ASXL3: variants seen among roughly 807,000 people sequenced by gnomAD.
ASXL3 encodes the protein ASXL transcriptional regulator 3, also known as putative Polycomb group protein ASXL3.
Under a neutral mutation model 170.6 loss-of-function variants are expected in ASXL3, and 34 were observed. That is an observed-to-expected ratio of 0.20 (90% CI 0.15 to 0.27). ASXL3 has a LOEUF of 0.27. ASXL3 is among the 10% of genes least tolerant of loss of function. The pLI is 1.00. For missense variants in ASXL3, 2,592 were observed against 2,695.3 expected (o/e 0.96, Z 0.85); for synonymous variants, 1,002 against 989.1 (o/e 1.01, Z -0.24).
Position 33,743,676 on chromosome 18 carries a change from T to C in ASXL3, c.3828T>C (p.Ala1276=). The part of the protein sequence containing the change: ...SVDSANTTIS[A]CNISMLKTIQ... ...ACAGTGCAAACACTACAATTTCTGC[T>C]TGTAATATAAGCATGTTAAAAACCA... is the stretch of plus-strand genomic sequence containing the variant. Residue 1276 remains alanine, a synonymous_variant, in exon 12 of 12, where the codon GCT becomes GCC. Coordinates refer to ENST00000269197, the MANE Select transcript of ASXL3 (RefSeq NM_030632.3). The C allele has an allele frequency of 6.2e-7, 1 of 1,613,922 alleles. No individual in the cohort carries two copies. Among genetic ancestry groups the C allele is most frequent in the Non-Finnish European group, 8.5e-7 (1 of 1,179,894 alleles).
In ASXL3 at chr18:33,646,475, C is replaced by T. The variant is rs2065916336; in HGVS notation, c.355+122C>T. The T allele has an allele frequency of 6.3e-6, 4 of 637,796 alleles. No individual in the cohort carries two copies. The Admixed American group carries it at 1.4e-4, about 22-fold the overall frequency. 39.5% of individuals were successfully genotyped at this position (637,796 alleles called of 1,614,324 possible). On this transcript the variant is annotated intron_variant, in intron 4 of 11. Coordinates refer to ENST00000269197, the MANE Select transcript of ASXL3 (RefSeq NM_030632.3). ...ACAGTTTTCTTCTAAATTTTTACCGCTGAGATTTATCATCAAGGTGTTTTG... is the reference window on the plus strand; with the variant it reads ...ACAGTTTTCTTCTAAATTTTTACCGTTGAGATTTATCATCAAGGTGTTTTG...
intron 2 of ASXL3, among the ~76,000 whole-genome samples, chr18:33,612,514 C>A (rs1477491284): frequency 6.6e-6 from 1 of 151,958 alleles, no homozygotes; most frequent in Middle Eastern, 3.2e-3. Flanking sequence ...ATTCTTTATT[C>A]CACTGATAAC....
intron 8 of ASXL3, among the ~76,000 whole-genome samples, chr18:33,703,465 G>C (rs1159194238): frequency 6.6e-6 from 1 of 152,156 alleles, no homozygotes; most frequent in Non-Finnish European, 1.5e-5. Context: ...CACTCATGCG[G>C]TGGAGCCACC....
intron 6 of ASXL3, 67 bp from the exon 7 acceptor site, chr18:33,671,680 A>G: frequency 2.8e-6 from 4 of 1,411,598 alleles, no homozygotes; most frequent in South Asian, 2.8e-5. Context: ...TCCTCAAACA[A>G]TTTTAGATTT....
At chr18:33,687,156 G>A (rs1024878015) in intron 8 of ASXL3, among the ~76,000 whole-genome samples, 1 of 152,150 alleles carries the variant, frequency 6.6e-6, no homozygotes, top group African/African-American at 2.4e-5. Context: ...AGCTTTGTGG[G>A]CCTGTCAGCA....
At chr18:33,588,493 C>T (rs1190261223) in intron 1 of ASXL3, among the ~76,000 whole-genome samples, 1 of 151,938 alleles carries the variant, frequency 6.6e-6, no homozygotes, top group African/African-American at 2.4e-5. Flanking sequence ...CAAGAATAGC[C>T]TAGTTGGAAT....
intron 7 of ASXL3, among the ~76,000 whole-genome samples, chr18:33,675,390 T>C (rs887355183): frequency 6.6e-6 from 1 of 151,984 alleles, no homozygotes; most frequent in Admixed American, 6.5e-5. Context: ...CTAATTCATA[T>C]GGTCTTGGAA....
At position 33,742,901 on chromosome 18, in the gene ASXL3, A is replaced by G; in HGVS notation, c.3053A>G (p.Lys1018Arg). 1.3e-6 allele frequency: 2 copies of G among 1,588,432 alleles called. No individual in the cohort carries two copies. The highest frequency in any genetic ancestry group is 1.7e-6 in the Non-Finnish European group (2 of 1,169,768). ...TCCTCCTTTTAGATTCAGCTTTCCAAAATTGGGCCACCTTTTATAATCAAG... is the reference window on the plus strand; with the variant it reads ...TCCTCCTTTTAGATTCAGCTTTCCAGAATTGGGCCACCTTTTATAATCAAG... Reference protein sequence around the residue: ...RVPPLKIQLSKIGPPFIIKSQ... With the variant: ...RVPPLKIQLSRIGPPFIIKSQ... The change falls in exon 12 of 12, where the codon AAA becomes AGA. Residue 1018 changes from lysine to arginine, a missense_variant. Transcript: ENST00000269197.
At chr18:33,579,319 T>C (rs1414584369) in intron 1 of ASXL3, among the ~76,000 whole-genome samples, 2 of 152,196 alleles carry the variant, frequency 1.3e-5, no homozygotes, top group African/African-American at 2.4e-5. Flanking sequence ...GATGTTTGTG[T>C]GTACATTCTG....
chr18:33,652,692 T>A (rs1267618632), intron 4 of ASXL3, among the ~76,000 whole-genome samples: 1 of 151,644 alleles, frequency 6.6e-6, no homozygotes, highest in Non-Finnish European at 1.5e-5. Flanking sequence ...TTTTATGAAG[T>A]CCTTTTTCAT....
rs1317298822 is a variant in ASXL3 at position 33,727,367 on chromosome 18, T to C, written c.880-4601T>C. Among the ~76,000 whole-genome samples, 7 of 152,192 alleles carry C rather than the reference T, an allele frequency of 4.6e-5. No individual in the cohort carries two copies. The East Asian group carries it at 1.3e-3, about 29-fold the overall frequency. On this transcript the variant is annotated intron_variant, in intron 8 of 11. Coordinates refer to ENST00000269197, the MANE Select transcript of ASXL3 (RefSeq NM_030632.3). Reference sequence around the variant, plus strand: ...TGCACTGAATTAACATTCATTCTTCTTCAAACATTGTATGATATGCAAGGA... The same window carrying C: ...TGCACTGAATTAACATTCATTCTTCCTCAAACATTGTATGATATGCAAGGA...
chr18:33,681,874 A>G (rs1260065618), intron 7 of ASXL3, among the ~76,000 whole-genome samples: 1 of 151,810 alleles, frequency 6.6e-6, no homozygotes, highest in East Asian at 1.9e-4. Flanking sequence ...ACTGCCCTCT[A>G]TATATTTTCC....
At chr18:33,717,083 T>G (rs1205369889) in intron 8 of ASXL3, among the ~76,000 whole-genome samples, 2 of 152,142 alleles carry the variant, frequency 1.3e-5, no homozygotes, top group Admixed American at 1.3e-4. Flanking sequence ...AATATGTCTC[T>G]GGTACAGCTT....
intron 8 of ASXL3, among the ~76,000 whole-genome samples, chr18:33,714,037 G>A (rs1330431170): frequency 2.0e-5 from 3 of 152,166 alleles, no homozygotes; most frequent in African/African-American, 7.2e-5. Flanking sequence ...ATTCCTGCTG[G>A]TGGGTGAGTG....
rs113402420 is a variant in ASXL3, at chr18:33,701,049, CT to C, written c.879+17491del. ...TTCCAAAAGATCTGTTGTTTTTTGT[CT>C]TTTTTTTTTAAAAGTTATTAGCTAT... On this transcript the variant is annotated intron_variant, in intron 8 of 11. Transcript: ENST00000269197. 3.4e-4 allele frequency among the ~76,000 whole-genome samples: 51 copies of C among 148,152 alleles called. 1 individual carries two copies. Among genetic ancestry groups the C allele is most frequent in the Admixed American group, 7.4e-4 (11 of 14,768 alleles).
chr18:33,693,109 T>A (rs1345319697), intron 8 of ASXL3, among the ~76,000 whole-genome samples: 2 of 152,148 alleles, frequency 1.3e-5, no homozygotes, highest in Non-Finnish European at 2.9e-5. Context: ...GTGAATTTTG[T>A]GGAGGCGCAA....
chr18:33,686,203 T>C (rs1232357734), intron 8 of ASXL3, among the ~76,000 whole-genome samples: 3 of 152,180 alleles, frequency 2.0e-5, no homozygotes, highest in African/African-American at 7.2e-5. Context: ...TTCAGAAATA[T>C]TTACTGAGCA....
At chr18:33,703,322 C>G (rs1015985162) in intron 8 of ASXL3, among the ~76,000 whole-genome samples, 1 of 152,090 alleles carries the variant, frequency 6.6e-6, no homozygotes. Context: ...GTCTCTGCTT[C>G]GGATGGGGAC....
At chr18:33,616,039 A>G (rs58305745) in intron 2 of ASXL3, among the ~76,000 whole-genome samples, 2,991 of 152,252 alleles carry the variant, frequency 0.02, 88 homozygotes, top group African/African-American at 0.068. Context: ...CTAATTGTTT[A>G]AAATAACTGT....
Sources: allele counts gnomAD v4.1 joint callset (sites outside exome capture counted in the v4.1 genomes callset), GRCh38; gene constraint gnomAD v4.1.1; transcripts MANE v1.5; gene names NCBI Gene and HGNC (gene_info 2026-07-23, HGNC 2026-07-21).